The following COL22A1 variants were observed in gnomAD, a reference collection of about 807,000 sequenced individuals.
The protein encoded by COL22A1 is collagen type XXII alpha 1 chain.
Under a neutral mutation model 248.9 loss-of-function variants are expected in COL22A1, and 221 were observed. The ratio of observed to expected loss-of-function variants is 0.89; its 90% CI spans 0.80 to 0.99. The LOEUF (loss-of-function observed/expected upper bound fraction) is 0.99. COL22A1 is among the 50% of genes least tolerant of loss of function. The pLI, the probability that COL22A1 is intolerant of heterozygous loss-of-function variation, is 0.00. For synonymous variants in COL22A1, 891 were observed against 793.4 expected (o/e 1.12, Z -2.07); for missense variants, 2,240 against 2,179.0 (o/e 1.03, Z -0.56).
intron 1 of COL22A1, among the ~76,000 whole-genome samples, chr8:138,911,945 A>C (rs2132217200): frequency 6.6e-6 from 1 of 152,258 alleles, no homozygotes; most frequent in African/African-American, 2.4e-5. Flanking sequence ...CAAAGTGACC[A>C]TTTCCCACAG....
chr8:138,602,655 G>A (rs1043990433), intron 59 of COL22A1, among the ~76,000 whole-genome samples: 2 of 152,048 alleles, frequency 1.3e-5, no homozygotes, highest in East Asian at 1.9e-4. Flanking sequence ...GAAGCCCCCC[G>A]ATCACCCAAC....
rs143536136 is a variant in COL22A1, at chr8:138,694,931, G to A, written c.2593-52C>T. On this transcript the variant is annotated intron_variant, in intron 32 of 64. Transcript: ENST00000303045. ...TGGACTTCAGGGAGAACTGCCCCTCGTCACAGGGTACATGTCCCCAGCTCC... is the reference window on the plus strand; with the variant it reads ...TGGACTTCAGGGAGAACTGCCCCTCATCACAGGGTACATGTCCCCAGCTCC... 2,574 of 1,574,786 alleles carry A rather than the reference G, an allele frequency of 1.6e-3. 2 individuals are homozygous for A. The highest frequency in any genetic ancestry group is 2.1e-3 in the Non-Finnish European group (2,379 of 1,149,478).
At chr8:138,831,579 A>C (rs1264259654) in intron 5 of COL22A1, among the ~76,000 whole-genome samples, 4 of 152,204 alleles carry the variant, frequency 2.6e-5, no homozygotes, top group Admixed American at 1.3e-4. Flanking sequence ...CATGCTTTGC[A>C]GGATGAGCAG....
In COL22A1 at chr8:138,832,993, T is replaced by G. The variant is rs776214762; in HGVS notation, c.845+46A>C. 2.2e-5 allele frequency: 30 copies of G among 1,335,114 alleles called. No homozygotes were observed. The South Asian group carries it at 2.8e-4, about 13-fold the overall frequency. The allele number at this position is 1,335,114 out of a possible 1,614,324, so 82.7% of individuals were successfully genotyped here. On this transcript the variant is annotated intron_variant, in intron 5 of 64. Transcript: ENST00000303045. ...GCTGCTGGGCCCCTTTCTTGCCCTTTCCCATGACACCCTGGGCAGGTCTGG... is the reference window on the plus strand; with the variant it reads ...GCTGCTGGGCCCCTTTCTTGCCCTTGCCCATGACACCCTGGGCAGGTCTGG...
At chr8:138,830,506 T>C (rs1489765217) in intron 5 of COL22A1, among the ~76,000 whole-genome samples, 1 of 152,186 alleles carries the variant, frequency 6.6e-6, no homozygotes, top group Non-Finnish European at 1.5e-5. Context: ...GCCAATTTGA[T>C]TTTGTTTTGG....
At chr8:138,722,850 CGGGGGGGGGGTGGT>C (rs1829981137) in intron 25 of COL22A1, among the ~76,000 whole-genome samples, 2 of 11,848 alleles carry the variant, frequency 1.7e-4, no homozygotes, top group South Asian at 8.9e-3. Flanking sequence ...CACATGGGGG[CGGGGGGGGGGTGGT>C]GGAAAACACA....
chr8:138,712,748 A>G (rs1009016820), intron 30 of COL22A1, among the ~76,000 whole-genome samples: 1 of 152,008 alleles, frequency 6.6e-6, no homozygotes, highest in Non-Finnish European at 1.5e-5. Context: ...CTACCAACAG[A>G]GGGTACATGT....
At chr8:138,901,932 C>T (rs974762948) in intron 1 of COL22A1, among the ~76,000 whole-genome samples, 5 of 151,964 alleles carry the variant, frequency 3.3e-5, no homozygotes, top group Non-Finnish European at 7.4e-5. Context: ...CCCTGCTCCC[C>T]GAGACATGGT....
At position 138,694,498 on chromosome 8, in the gene COL22A1, G is replaced by A. The variant is rs753585437; in HGVS notation, c.2700+10C>T. 5.0e-6 allele frequency: 8 copies of A among 1,613,656 alleles called. No individual in the cohort carries two copies. In the African/African-American group the frequency reaches 1.1e-4, roughly 22 times the overall value. On this transcript the variant is annotated intron_variant, in intron 34 of 64. Transcript: ENST00000303045. ...CTCTGAGCCAGCAGGGGAAGGGATG[G>A]TTTTCTTACCGGTGGTCCAGTGGGT...
At chr8:138,706,863 C>A (rs1357909308) in intron 30 of COL22A1, among the ~76,000 whole-genome samples, 2 of 151,944 alleles carry the variant, frequency 1.3e-5, no homozygotes, top group East Asian at 3.9e-4. Flanking sequence ...GTTTTTTGAA[C>A]AGATCAACAA....
chr8:138,832,562 A>T (rs1028724180), intron 5 of COL22A1, among the ~76,000 whole-genome samples: 2 of 152,180 alleles, frequency 1.3e-5, no homozygotes, highest in African/African-American at 4.8e-5. Flanking sequence ...GATTGAAAAC[A>T]TGAGAAACTC....
intron 41 of COL22A1, among the ~76,000 whole-genome samples, chr8:138,666,027 C>T (rs928739697): frequency 6.6e-6 from 1 of 152,074 alleles, no homozygotes; most frequent in African/African-American, 2.4e-5. Context: ...AGAGTGGCAA[C>T]TGAACTAAAA....
chr8:138,755,545 G>C, intron 19 of COL22A1, 34 bp from the exon 20 acceptor site: 1 of 1,612,884 alleles, frequency 6.2e-7, no homozygotes, highest in Non-Finnish European at 8.5e-7. Context: ...CAAAGGTGCT[G>C]GCATTTCCGC....
In COL22A1 at chr8:138,635,100, T is replaced by A. The variant is rs1421093498; in HGVS notation, c.3556-37A>T. 6 of 1,512,254 alleles carry A rather than the reference T, an allele frequency of 4.0e-6. No homozygotes were observed. In the Admixed American group the frequency reaches 1.2e-4, roughly 29 times the overall value. The allele number at this position is 1,512,254 out of a possible 1,614,324, so 93.7% of individuals were successfully genotyped here. A position where few individuals can be genotyped will look rare whatever the true frequency, so the allele number is the denominator to read the frequency against. ...CAAGATGCAATTCTTTAAAATGACT[T>A]GAAAAATACTTTTTACTTTGTGCAA... On this transcript the variant is annotated intron_variant, in intron 48 of 64. Transcript: ENST00000303045.
At chr8:138,897,626 G>A (rs896168029) in intron 1 of COL22A1, among the ~76,000 whole-genome samples, 2 of 152,024 alleles carry the variant, frequency 1.3e-5, no homozygotes, top group Admixed American at 6.6e-5. Context: ...TGAGGCCCCT[G>A]AAGACAAGCT....
At chr8:138,896,752 C>G (rs1328475553) in intron 1 of COL22A1, among the ~76,000 whole-genome samples, 1 of 152,190 alleles carries the variant, frequency 6.6e-6, no homozygotes, top group Non-Finnish European at 1.5e-5. Context: ...GCAGGCAGAT[C>G]ACCTGAGGTC....
At chr8:138,642,994 G>A (rs894144727) in intron 47 of COL22A1, among the ~76,000 whole-genome samples, 8 of 149,912 alleles carry the variant, frequency 5.3e-5, no homozygotes, top group South Asian at 4.2e-4. Context: ...GCACCACTGC[G>A]CTCCAGCCTG....
intron 50 of COL22A1, among the ~76,000 whole-genome samples, chr8:138,628,011 A>G (rs991614175): frequency 2.0e-5 from 3 of 152,138 alleles, no homozygotes; most frequent in East Asian, 1.9e-4. Context: ...AAAGGTTAGG[A>G]AAAAAAATCC....
chr8:138,891,334 G>A (rs975815756), intron 1 of COL22A1, among the ~76,000 whole-genome samples: 6 of 152,174 alleles, frequency 3.9e-5, no homozygotes, highest in African/African-American at 1.2e-4. Context: ...CCCTTTACCA[G>A]TGATGAACCT....
Sources: gnomAD v4.1 joint callset for allele counts (sites outside exome capture counted in the v4.1 genomes callset) on GRCh38, gnomAD v4.1.1 for gene constraint, MANE v1.5 for transcripts, NCBI Gene and HGNC (gene_info 2026-07-23, HGNC 2026-07-21) for gene names.